MIPEP: variants seen among roughly 807,000 people sequenced by gnomAD.
The protein encoded by MIPEP is mitochondrial intermediate peptidase.
In MIPEP, 79 loss-of-function variants were observed where a neutral mutation model predicts 90.3. That is an observed-to-expected ratio of 0.87 (90% CI 0.73 to 1.05). The LOEUF (loss-of-function observed/expected upper bound fraction) is 1.05. MIPEP is among the 50% of genes least tolerant of loss of function. The pLI is 0.00. For synonymous variants in MIPEP, 334 were observed against 315.8 expected (o/e 1.06, Z -0.61); for missense variants, 940 against 905.6 (o/e 1.04, Z -0.49).
intron 18 of MIPEP, among the ~76,000 whole-genome samples, chr13:23,740,447 T>C (rs777001066): frequency 4.0e-5 from 6 of 151,512 alleles, no homozygotes; most frequent in Non-Finnish European, 7.4e-5. Context: ...AAAAAAAAAT[T>C]GGTTTTCTGC....
intron 14 of MIPEP, 98 bp from the exon 15 acceptor site, chr13:23,810,022 A>T: frequency 1.5e-6 from 1 of 651,258 alleles, no homozygotes; most frequent in Non-Finnish European, 2.7e-6. Flanking sequence ...CAAATGTAAC[A>T]TGAGTAATAG....
In MIPEP at chr13:23,767,744, G is replaced by A. The variant is rs764445099; in HGVS notation, c.1849-7527C>T. On this transcript the variant is annotated intron_variant, in intron 16 of 18. Coordinates refer to ENST00000382172, the MANE Select transcript of MIPEP (RefSeq NM_005932.4). Reference sequence around the variant, plus strand: ...TGGGATTACAGGTGTGAGCCACCACGCCTGGCCCTTTGTAAATATTTTTTA... The same window carrying A: ...TGGGATTACAGGTGTGAGCCACCACACCTGGCCCTTTGTAAATATTTTTTA... Among the ~76,000 whole-genome samples, 17 of 152,170 alleles carry A rather than the reference G, an allele frequency of 1.1e-4. No homozygotes were observed. In the South Asian group the frequency reaches 1.2e-3, roughly 11 times the overall value.
intron 18 of MIPEP, among the ~76,000 whole-genome samples, chr13:23,730,665 T>A (rs1243077125): frequency 6.6e-6 from 1 of 152,230 alleles, no homozygotes; most frequent in African/African-American, 2.4e-5. Context: ...AATCCATCCT[T>A]AGCTTAGAGA....
intron 17 of MIPEP, 127 bp downstream of exon 17, chr13:23,759,969 C>G (rs758530884): frequency 7.8e-5 from 94 of 1,198,780 alleles, no homozygotes; most frequent in Non-Finnish European, 1.0e-4. Context: ...GTGTGGGGAG[C>G]CTGCCACTTT....
chr13:23,782,318 A>G (rs1005651262), intron 16 of MIPEP, among the ~76,000 whole-genome samples: 2 of 152,240 alleles, frequency 1.3e-5, no homozygotes. Context: ...AAACTGCTCA[A>G]CTACATGGAA....
intron 9 of MIPEP, 80 bp downstream of exon 9, chr13:23,862,222 A>G (rs1593197363): frequency 1.1e-6 from 1 of 873,676 alleles, no homozygotes; most frequent in Non-Finnish European, 1.8e-6. Context: ...GCCTATCACA[A>G]GAAAGTTCCT....
intron 14 of MIPEP, among the ~76,000 whole-genome samples, chr13:23,812,542 C>A (rs1467862723): frequency 6.6e-6 from 1 of 152,010 alleles, no homozygotes; most frequent in East Asian, 1.9e-4. Context: ...CCAAAGGGAC[C>A]CCAGAGAAAC....
chr13:23,880,310 AGAGT>A (rs752979907), intron 3 of MIPEP, among the ~76,000 whole-genome samples: 5 of 152,176 alleles, frequency 3.3e-5, no homozygotes, highest in Non-Finnish European at 7.3e-5. Context: ...AGTCAGGGAG[AGAGT>A]GAGTGTGGAG....
chr13:23,828,769 C>G (rs1448265069), intron 14 of MIPEP, among the ~76,000 whole-genome samples: 1 of 152,086 alleles, frequency 6.6e-6, no homozygotes, highest in Non-Finnish European at 1.5e-5. Flanking sequence ...TAATCCCAAT[C>G]AAACTCTTAC....
intron 10 of MIPEP, among the ~76,000 whole-genome samples, chr13:23,849,719 T>C (rs1203600347): frequency 7.2e-5 from 11 of 152,320 alleles, no homozygotes; most frequent in African/African-American, 1.2e-4. Context: ...CTAATTATGA[T>C]TGAAATGAGC....
At position 23,837,701 on chromosome 13, in the gene MIPEP, A is replaced by T; in HGVS notation, c.1394T>A (p.Leu465His). The change falls in exon 13 of 19, where the codon CTC becomes CAC. Residue 465 changes from leucine to histidine, a missense_variant. By Grantham distance (99) the Leu-to-His change is moderately conservative. Coordinates refer to ENST00000382172, the MANE Select transcript of MIPEP (RefSeq NM_005932.4). ...ATTCAGCATAAGAACTACAACTGGG[A>T]GTTGATAGTCTCCATCTTCCTTTAG... ...GRLKEDGDYQ[L>H]PVVVLMLNLP... 1 of 1,614,094 alleles carries T rather than the reference A, an allele frequency of 6.2e-7. No homozygotes were observed. The highest frequency in any genetic ancestry group is 8.5e-7 in the Non-Finnish European group (1 of 1,179,908).
chr13:23,798,869 G>C (rs192150477), intron 16 of MIPEP, among the ~76,000 whole-genome samples: 1 of 151,896 alleles, frequency 6.6e-6, no homozygotes, highest in East Asian at 1.9e-4. Flanking sequence ...CAAAAACCAC[G>C]AGCCAATTAA....
chr13:23,875,027 AACACACACACACACACAC>A (rs10595689), intron 4 of MIPEP, 118 bp from the exon 5 acceptor site: 44 of 401,990 alleles, frequency 1.1e-4, no homozygotes, highest in South Asian at 9.9e-4. Flanking sequence ...GTTTCTTCAA[AACACACACACACACACAC>A]ACACACACAC....
chr13:23,805,799 T>C, intron 16 of MIPEP, 151 bp downstream of exon 16: 1 of 777,502 alleles, frequency 1.3e-6, no homozygotes, highest in Non-Finnish European at 2.0e-6. Flanking sequence ...AAATATTAAA[T>C]GAACCAGGCA....
intron 7 of MIPEP, among the ~76,000 whole-genome samples, chr13:23,867,255 G>A (rs945772305): frequency 6.6e-6 from 1 of 152,018 alleles, no homozygotes; most frequent in African/African-American, 2.4e-5. Context: ...CCTTGCACAC[G>A]CTGCGCTTCA....
At chr13:23,754,836 T>G (rs1336203820) in intron 18 of MIPEP, among the ~76,000 whole-genome samples, 1 of 152,140 alleles carries the variant, frequency 6.6e-6, no homozygotes, top group African/African-American at 2.4e-5. Flanking sequence ...ATGTACCCAA[T>G]CAGTAGCTTA....
At chr13:23,876,366 T>G (rs2137528943) in intron 4 of MIPEP, among the ~76,000 whole-genome samples, 1 of 152,282 alleles carries the variant, frequency 6.6e-6, no homozygotes, top group Middle Eastern at 3.4e-3. Context: ...GAAGTACTTT[T>G]TATTTCCGTT....
chr13:23,808,348 C>G (rs1336847298), intron 15 of MIPEP, among the ~76,000 whole-genome samples: 2 of 152,178 alleles, frequency 1.3e-5, no homozygotes, highest in African/African-American at 2.4e-5. Context: ...ATCCGCCCGC[C>G]TCGGCCTCCC....
intron 2 of MIPEP, among the ~76,000 whole-genome samples, chr13:23,883,372 C>A (rs1335750098): frequency 6.6e-6 from 1 of 152,072 alleles, no homozygotes; most frequent in East Asian, 1.9e-4. Context: ...AAGACTAAGA[C>A]AACAAATACA....
Sources: allele counts gnomAD v4.1 joint callset (sites outside exome capture counted in the v4.1 genomes callset), GRCh38; gene constraint gnomAD v4.1.1; transcripts MANE v1.5; gene names NCBI Gene and HGNC (gene_info 2026-07-23, HGNC 2026-07-21).